Variants in CCDC152 observed in about 807,000 individuals in gnomAD.
The protein encoded by CCDC152 is coiled-coil domain-containing protein 152.
A neutral mutation model predicts 38.1 loss-of-function variants in CCDC152; 37 were observed. The ratio of observed to expected loss-of-function variants is 0.97; its 90% CI spans 0.75 to 1.28. The LOEUF (loss-of-function observed/expected upper bound fraction) is 1.28, where lower values mean the gene tolerates loss of function less well. Ranked by LOEUF, CCDC152 falls within the 50% of genes most tolerant of loss-of-function variation. The pLI is 0.00. For synonymous variants in CCDC152, 83 were observed against 87.1 expected, an observed-to-expected ratio of 0.95 and a Z score of 0.26; for missense variants, 259 against 292.1, an observed-to-expected ratio of 0.89 and a Z score of 0.83.
chr5:42,770,421 A>G (rs1759681331), intron 4 of CCDC152, among the ~76,000 whole-genome samples: 1 of 152,198 alleles, frequency 6.6e-6, no homozygotes, highest in South Asian at 2.1e-4. Context: ...GCCAGGGCTC[A>G]AAACAACTTT....
intron 3 of CCDC152, among the ~76,000 whole-genome samples, chr5:42,766,175 A>G (rs1444897963): frequency 6.6e-6 from 1 of 152,236 alleles, no homozygotes; most frequent in Non-Finnish European, 1.5e-5. Context: ...GCTCAACATC[A>G]TTGATCATCA....
intron 6 of CCDC152, among the ~76,000 whole-genome samples, chr5:42,796,065 G>A (rs1379969645): frequency 1.3e-5 from 2 of 150,726 alleles, no homozygotes; most frequent in Middle Eastern, 3.2e-3. Flanking sequence ...ACAGGAAGGG[G>A]AACATCACAC....
chr5:42,760,501 C>A (rs749591817), intron 2 of CCDC152, among the ~76,000 whole-genome samples: 11 of 152,130 alleles, frequency 7.2e-5, no homozygotes, highest in Non-Finnish European at 1.6e-4. Flanking sequence ...CAACTCTGGA[C>A]AAATGGTAGA....
intron 4 of CCDC152, among the ~76,000 whole-genome samples, chr5:42,776,271 A>G (rs539002299): frequency 2.6e-5 from 4 of 152,322 alleles, no homozygotes; most frequent in African/African-American, 9.6e-5. Flanking sequence ...CCGTGCTAAC[A>G]CTAAGAACAC....
intron 4 of CCDC152, among the ~76,000 whole-genome samples, chr5:42,770,115 G>A (rs1311917441): frequency 6.6e-6 from 1 of 152,172 alleles, no homozygotes; most frequent in Admixed American, 6.5e-5. Context: ...TATCTTATCT[G>A]TAACAATCAT....
At chr5:42,794,441 C>T (rs956618181) in intron 6 of CCDC152, among the ~76,000 whole-genome samples, 7 of 152,138 alleles carry the variant, frequency 4.6e-5, no homozygotes, top group African/African-American at 1.7e-4. Context: ...AACGTTTTTC[C>T]TTATTACTGA....
rs372527094 is a variant in CCDC152 at position 42,795,955 on chromosome 5, T to C, written c.431-874T>C. On this transcript the variant is annotated intron_variant, in intron 6 of 8. Transcript: ENST00000361970. ...GTCCTTTGTAGGGACATGGATGAAATTGGAAATCATCATTCTCAGTAAACT... is the reference window on the plus strand; with the variant it reads ...GTCCTTTGTAGGGACATGGATGAAACTGGAAATCATCATTCTCAGTAAACT... Among the ~76,000 whole-genome samples, 66 of 151,138 alleles carry C rather than the reference T, an allele frequency of 4.4e-4. 1 individual carries two copies. The East Asian group carries it at 0.011, about 25-fold the overall frequency.
At chr5:42,763,966 T>G (rs186569776) in intron 3 of CCDC152, among the ~76,000 whole-genome samples, 1 of 152,258 alleles carries the variant, frequency 6.6e-6, no homozygotes, top group African/African-American at 2.4e-5. Flanking sequence ...TTAATAAACT[T>G]TTTGGAGCAG....
chr5:42,763,133 C>T (rs1283259529), intron 3 of CCDC152, among the ~76,000 whole-genome samples: 1 of 151,990 alleles, frequency 6.6e-6, no homozygotes, highest in Non-Finnish European at 1.5e-5. Context: ...CCTCAAGCAT[C>T]TTGTAAGGGC....
At chr5:42,769,699 C>A in intron 4 of CCDC152, 34 bp downstream of exon 4, 1 of 1,459,654 alleles carries the variant, frequency 6.9e-7, no homozygotes, top group Non-Finnish European at 9.1e-7. Flanking sequence ...TCTAAAAAAG[C>A]ATTGTGTATT....
At chr5:42,766,432 G>A (rs1195887100) in intron 3 of CCDC152, among the ~76,000 whole-genome samples, 1 of 151,610 alleles carries the variant, frequency 6.6e-6, no homozygotes, top group African/African-American at 2.4e-5. Flanking sequence ...ACAGAAGAAA[G>A]GAAATCAGTA....
intron 6 of CCDC152, among the ~76,000 whole-genome samples, chr5:42,787,302 A>T (rs2111579151): frequency 6.6e-6 from 1 of 152,084 alleles, no homozygotes; most frequent in East Asian, 1.9e-4. Context: ...ACTATATTTT[A>T]AAATTCCTTT....
chr5:42,790,191 C>G (rs1271785413), intron 6 of CCDC152, among the ~76,000 whole-genome samples: 1 of 152,124 alleles, frequency 6.6e-6, no homozygotes, highest in Non-Finnish European at 1.5e-5. Flanking sequence ...AGATGAAGGG[C>G]CAGGCACGGT....
chr5:42,796,685 A>C (rs2111601857), intron 6 of CCDC152, 144 bp from the exon 7 acceptor site: 1 of 544,602 alleles, frequency 1.8e-6, no homozygotes, highest in African/African-American at 2.0e-5. Context: ...TAGAAAAGCT[A>C]TTCTATACCT....
chr5:42,784,106 C>T (rs1359391050), intron 6 of CCDC152, among the ~76,000 whole-genome samples: 3 of 151,988 alleles, frequency 2.0e-5, no homozygotes, highest in Admixed American at 2.0e-4. Context: ...GGGTAGATAC[C>T]CAATAGTAGG....
chr5:42,776,393 A>G (rs1377039379), intron 4 of CCDC152, among the ~76,000 whole-genome samples: 1 of 152,186 alleles, frequency 6.6e-6, no homozygotes, highest in Non-Finnish European at 1.5e-5. Flanking sequence ...AGAAGACATA[A>G]AATTGTTTTA....
chr5:42,776,807 A>G (rs1034146868), intron 4 of CCDC152, among the ~76,000 whole-genome samples: 1 of 152,246 alleles, frequency 6.6e-6, no homozygotes, highest in African/African-American at 2.4e-5. Flanking sequence ...AACACTTTTA[A>G]ATAATACAGT....
At chr5:42,781,802 G>T (rs919631875) in intron 5 of CCDC152, among the ~76,000 whole-genome samples, 1 of 152,050 alleles carries the variant, frequency 6.6e-6, no homozygotes, top group Admixed American at 6.6e-5. Context: ...CAGCTGTTAG[G>T]TATTAGAGGC....
chr5:42,775,201 C>T (rs1277966417), intron 4 of CCDC152, among the ~76,000 whole-genome samples: 1 of 151,898 alleles, frequency 6.6e-6, no homozygotes, highest in Non-Finnish European at 1.5e-5. Context: ...TATCAGATAC[C>T]AAACCACAGA....
Sources: allele counts gnomAD v4.1 joint callset (sites outside exome capture counted in the v4.1 genomes callset), GRCh38; gene constraint gnomAD v4.1.1; transcripts MANE v1.5; gene names NCBI Gene and HGNC (gene_info 2026-07-23, HGNC 2026-07-21).